PROCR: variants seen among roughly 807,000 people sequenced by gnomAD.
PROCR encodes protein C receptor, also known as endothelial protein C receptor.
In PROCR, 22 loss-of-function variants were observed where a neutral mutation model predicts 24.2. The ratio of observed to expected loss-of-function variants is 0.91; its 90% CI spans 0.65 to 1.30. PROCR has a LOEUF of 1.30. Ranked by LOEUF, PROCR falls within the 50% of genes most tolerant of loss-of-function variation. PROCR has a pLI of 0.00. For missense variants in PROCR, 288 were observed against 307.7 expected (o/e 0.94, Z 0.48); for synonymous variants, 137 against 139.2 (o/e 0.98, Z 0.11).
chr20:35,180,432 G>A (rs1248746682), downstream of PROCR, among the ~76,000 whole-genome samples: 1 of 152,124 alleles, frequency 6.6e-6, no homozygotes, highest in Non-Finnish European at 1.5e-5. Context: ...AGCAAGGCAG[G>A]GGTATAAAAG....
downstream of PROCR, among the ~76,000 whole-genome samples, chr20:35,182,248 T>G (rs2146153088): frequency 6.6e-6 from 1 of 152,300 alleles, no homozygotes; most frequent in East Asian, 1.9e-4. Flanking sequence ...AAAGAATTGA[T>G]GCAAATGAGA....
intron 1 of PROCR, among the ~76,000 whole-genome samples, chr20:35,206,951 TG>T (rs2060345026): frequency 6.6e-6 from 1 of 152,174 alleles, no homozygotes; most frequent in South Asian, 2.1e-4. Context: ...ATTCCTCAAC[TG>T]GGAAGTGGAG....
intron 1 of PROCR, among the ~76,000 whole-genome samples, chr20:35,209,760 C>G (rs1326456254): frequency 6.6e-6 from 1 of 152,116 alleles, no homozygotes; most frequent in Non-Finnish European, 1.5e-5. Flanking sequence ...CTTTCTTGGT[C>G]TACGATGATT....
intron 1 of PROCR, among the ~76,000 whole-genome samples, chr20:35,201,339 C>A (rs8114671): frequency 0.41 from 61,773 of 151,998 alleles, 13,303 homozygotes; most frequent in East Asian, 0.64. Context: ...TTATCAATAA[C>A]TACATTAAAT....
intron 1 of PROCR, among the ~76,000 whole-genome samples, chr20:35,183,761 C>G (rs542458073): frequency 6.6e-6 from 1 of 152,096 alleles, no homozygotes; most frequent in South Asian, 2.1e-4. Context: ...GAAAGATAGA[C>G]AGAACAGATT....
intron 1 of PROCR, among the ~76,000 whole-genome samples, chr20:35,185,759 T>C (rs746716641): frequency 5.3e-5 from 8 of 152,110 alleles, no homozygotes; most frequent in Non-Finnish European, 8.8e-5. Context: ...GGGTGAGGGA[T>C]AAAAGACTAC....
chr20:35,172,361 CAG>C, intron 1 of PROCR, 137 bp downstream of exon 1: 6 of 1,133,180 alleles, frequency 5.3e-6, no homozygotes, highest in Non-Finnish European at 7.9e-6. Flanking sequence ...ACAGGGCAGG[CAG>C]AGTCTTGGGG....
chr20:35,194,563 A>G (rs1037106850), intron 1 of PROCR, among the ~76,000 whole-genome samples: 15 of 152,188 alleles, frequency 9.9e-5, no homozygotes, highest in African/African-American at 3.6e-4. Flanking sequence ...CTAGGGAGGA[A>G]AGAGCTAGAG....
chr20:35,189,635 C>T (rs1183345164), intron 1 of PROCR, among the ~76,000 whole-genome samples: 2 of 152,162 alleles, frequency 1.3e-5, no homozygotes, highest in East Asian at 1.9e-4. Flanking sequence ...GCTGGTTTTA[C>T]GGCTCAGGGG....
rs1426706436 is a variant in PROCR, at chr20:35,176,225, C to T, written c.380C>T (p.Ala127Val). The change falls in exon 3 of 4, where the codon GCC (alanine) becomes GTC (valine). Residue 127 changes from alanine to valine, a missense_variant. Ala to Val is a moderately conservative substitution (Grantham distance 64). Transcript: ENST00000216968. Reference protein sequence around the residue: ...GCELPPEGSRAHVFFEVAVNG... With the variant: ...GCELPPEGSRVHVFFEVAVNG... Reference sequence around the variant, plus strand: ...GAGCTGCCTCCCGAGGGCTCTAGAGCCCATGTCTTCTTCGAAGTGGCTGTG... The same window carrying T: ...GAGCTGCCTCCCGAGGGCTCTAGAGTCCATGTCTTCTTCGAAGTGGCTGTG... The T allele has an allele frequency of 6.2e-7, 1 of 1,614,184 alleles. No homozygotes were observed. Among genetic ancestry groups the T allele is most frequent in the South Asian group, 1.1e-5 (1 of 91,088 alleles).
At chr20:35,181,859 G>T (rs2086081965), downstream of PROCR, among the ~76,000 whole-genome samples, 3 of 152,212 alleles carry the variant, frequency 2.0e-5, no homozygotes, top group African/African-American at 7.2e-5. Context: ...CCTCAGAGTT[G>T]ATGGGAAAGC....
intron 1 of PROCR, among the ~76,000 whole-genome samples, chr20:35,209,953 A>G (rs1039989639): frequency 6.6e-6 from 1 of 152,188 alleles, no homozygotes; most frequent in African/African-American, 2.4e-5. Flanking sequence ...TGAGCTGGGC[A>G]CAGCGGCTCA....
At chr20:35,171,346 G>A (rs1049509086), upstream of PROCR, among the ~76,000 whole-genome samples, 10 of 152,084 alleles carry the variant, frequency 6.6e-5, no homozygotes, top group Non-Finnish European at 1.2e-4. Flanking sequence ...TAAGGGTGAC[G>A]CGCTGAAATT....
intron 1 of PROCR, among the ~76,000 whole-genome samples, chr20:35,186,004 G>C (rs913686533): frequency 6.6e-6 from 1 of 152,184 alleles, no homozygotes; most frequent in Non-Finnish European, 1.5e-5. Flanking sequence ...AAAACAATTT[G>C]ACAGTTCTTC....
At chr20:35,178,397 C>CTT (rs146530945), downstream of PROCR, among the ~76,000 whole-genome samples, 1 of 43,412 alleles carries the variant, frequency 2.3e-5, no homozygotes, top group Non-Finnish European at 3.6e-5. Flanking sequence ...GAGTGAGATT[C>CTT]TTTTTTTTTT....
intron 1 of PROCR, among the ~76,000 whole-genome samples, chr20:35,205,252 G>A (rs556230706): frequency 6.8e-6 from 1 of 146,620 alleles, no homozygotes; most frequent in Non-Finnish European, 1.5e-5. Context: ...CAGCTTGGGG[G>A]ACAGAGCAAG....
At chr20:35,179,935 G>T (rs1165506481), downstream of PROCR, among the ~76,000 whole-genome samples, 2 of 152,056 alleles carry the variant, frequency 1.3e-5, no homozygotes, top group African/African-American at 4.8e-5. Context: ...GTACCATCCA[G>T]TTCTACCTCC....
At chr20:35,183,458 A>G (rs2086096474) in intron 1 of PROCR, among the ~76,000 whole-genome samples, 1 of 152,150 alleles carries the variant, frequency 6.6e-6, no homozygotes, top group Admixed American at 6.6e-5. Flanking sequence ...ACATGATTGA[A>G]AGCTTCCTGA....
chr20:35,192,766 G>A (rs369583328), intron 1 of PROCR, among the ~76,000 whole-genome samples: 123 of 152,244 alleles, frequency 8.1e-4, no homozygotes, highest in African/African-American at 2.8e-3. Context: ...TGAAATGCAC[G>A]AGGCTAGAAA....
Sources: gnomAD v4.1 joint callset for allele counts (sites outside exome capture counted in the v4.1 genomes callset) on GRCh38, gnomAD v4.1.1 for gene constraint, MANE v1.5 for transcripts, NCBI Gene and HGNC (gene_info 2026-07-23, HGNC 2026-07-21) for gene names.